The following POU2F3 variants were observed in gnomAD, a reference collection of about 807,000 sequenced individuals.
POU2F3 encodes POU domain, class 2, transcription factor 3.
Under a neutral mutation model 59.2 loss-of-function variants are expected in POU2F3, and 23 were observed. The ratio of observed to expected loss-of-function variants is 0.39; its 90% CI spans 0.28 to 0.55. The LOEUF (loss-of-function observed/expected upper bound fraction) is 0.55, where lower values mean the gene tolerates loss of function less well. Among genes scored for constraint, POU2F3 ranks in the 20% least tolerant of loss-of-function variants. The pLI, the probability that POU2F3 is intolerant of heterozygous loss-of-function variation, is 0.66. For missense variants in POU2F3, 473 were observed against 544.5 expected, an observed-to-expected ratio of 0.87 and a Z score of 1.31; for synonymous variants, 190 against 214.6, an observed-to-expected ratio of 0.89 and a Z score of 1.00.
At chr11:120,318,322 G>C in intron 12 of POU2F3, 31 bp from the exon 13 acceptor site, 1 of 1,579,010 alleles carries the variant, frequency 6.3e-7, no homozygotes, top group Non-Finnish European at 8.7e-7. Flanking sequence ...CACATTATTA[G>C]CTTTAGGATT....
chr11:120,242,052 G>T (rs1163143642), intron 1 of POU2F3, among the ~76,000 whole-genome samples: 1 of 152,124 alleles, frequency 6.6e-6, no homozygotes, highest in Admixed American at 6.5e-5. Flanking sequence ...TGATTCCTCA[G>T]GGCGGGATCT....
intron 2 of POU2F3, among the ~76,000 whole-genome samples, chr11:120,257,753 A>G (rs1382109286): frequency 2.0e-5 from 3 of 152,106 alleles, no homozygotes; most frequent in African/African-American, 4.8e-5. Flanking sequence ...GGCCCTGCAG[A>G]CCTCACAGGC....
intron 3 of POU2F3, among the ~76,000 whole-genome samples, chr11:120,278,084 G>A (rs932692778): frequency 6.6e-6 from 1 of 152,096 alleles, no homozygotes; most frequent in African/African-American, 2.4e-5. Context: ...ACAGAAAATG[G>A]CATCCCTGGG....
chr11:120,297,337 C>T (rs552744074), intron 3 of POU2F3, among the ~76,000 whole-genome samples: 3 of 152,302 alleles, frequency 2.0e-5, no homozygotes, highest in South Asian at 2.1e-4. Context: ...ACTGTCATTG[C>T]AGGGTGGTGG....
intron 1 of POU2F3, among the ~76,000 whole-genome samples, chr11:120,242,755 C>G (rs1938718950): frequency 6.6e-6 from 1 of 152,154 alleles, no homozygotes; most frequent in Non-Finnish European, 1.5e-5. Flanking sequence ...TGCCTGGAGC[C>G]TTCGCACCTT....
Position 120,298,334 on chromosome 11 carries a change from G to A in POU2F3, c.202G>A (p.Gly68Arg), listed in dbSNP as rs572453905. ...CCATCGGCCATGCCACCTGAGTCAA[G>A]GACCTGCCATGATGTCCGGAAACCA... ...LSHRPCHLSQ[G>R]PAMMSGNQMS... is the part of the protein sequence containing the mutation. The change falls in exon 4 of 13, where the codon GGA becomes AGA. Residue 68 changes from glycine (G) to arginine (R), a missense_variant. Physicochemically the swap from Gly to Arg is moderately radical, Grantham distance 125 (BLOSUM62 -2). Coordinates refer to ENST00000543440, the MANE Select transcript of POU2F3 (RefSeq NM_014352.4). The A allele has an allele frequency of 6.2e-7, 1 of 1,613,850 alleles. No homozygotes were observed. The highest frequency in any genetic ancestry group is 1.1e-5 in the South Asian group (1 of 90,998).
At chr11:120,303,808 C>T (rs1941409264) in intron 6 of POU2F3, 1 of 152,116 alleles carries the variant, frequency 6.6e-6, no homozygotes. Context: ...ACCCAAATAT[C>T]CCAGAGGAGA....
At chr11:120,264,772 G>A (rs898175469) in intron 2 of POU2F3, among the ~76,000 whole-genome samples, 2 of 152,098 alleles carry the variant, frequency 1.3e-5, no homozygotes, top group African/African-American at 4.8e-5. Context: ...GCTCAGGCTC[G>A]AACCTCAGTC....
chr11:120,242,096 T>C (rs1264935816), intron 1 of POU2F3, among the ~76,000 whole-genome samples: 2 of 152,076 alleles, frequency 1.3e-5, no homozygotes, highest in Admixed American at 6.5e-5. Flanking sequence ...CCAATTCATC[T>C]CTCTCCATTT....
intron 9 of POU2F3, among the ~76,000 whole-genome samples, chr11:120,308,822 C>T (rs1225837047): frequency 1.3e-5 from 2 of 151,468 alleles, no homozygotes; most frequent in Non-Finnish European, 2.9e-5. Flanking sequence ...CCTGTAATCC[C>T]GGCTACTCAG....
chr11:120,312,094 A>G (rs1287903349), intron 10 of POU2F3, among the ~76,000 whole-genome samples: 1 of 152,196 alleles, frequency 6.6e-6, no homozygotes, highest in Non-Finnish European at 1.5e-5. Context: ...ACAGCCTGTG[A>G]GAAGGCATGG....
At chr11:120,239,218 T>C (rs893289031), upstream of POU2F3, among the ~76,000 whole-genome samples, 4 of 152,238 alleles carry the variant, frequency 2.6e-5, no homozygotes, top group Admixed American at 6.5e-5. Flanking sequence ...CCTGCCCTCC[T>C]GTCTGCACAC....
rs138951003 is a variant in POU2F3, at chr11:120,265,783, C to G, written c.98-3427C>G. ...AACTGTTATACAATGCTATTTTTCT[C>G]ACTTTCTAGGTCTCATTCAAATGCA... On this transcript the variant is annotated intron_variant, in intron 2 of 12. Transcript: ENST00000543440. 7 of 152,280 alleles carry G rather than the reference C, an allele frequency of 4.6e-5. No individual in the cohort carries two copies. The East Asian group carries it at 1.4e-3, about 29-fold the overall frequency. 9.4% of individuals were successfully genotyped at this position (152,280 alleles called of 1,614,324 possible). A position where few individuals can be genotyped will look rare whatever the true frequency, so the allele number is the denominator to read the frequency against.
chr11:120,252,086 G>A (rs975643397), intron 2 of POU2F3, among the ~76,000 whole-genome samples: 5 of 150,858 alleles, frequency 3.3e-5, no homozygotes, highest in East Asian at 2.0e-4. Context: ...GAGCCACCGC[G>A]CCTGGCCTTG....
chr11:120,268,461 C>T (rs1230734640), intron 2 of POU2F3, among the ~76,000 whole-genome samples: 1 of 152,076 alleles, frequency 6.6e-6, no homozygotes, highest in African/African-American at 2.4e-5. Context: ...CTGCCTCCAC[C>T]CCCTGAGTAG....
At chr11:120,305,561 C>T (rs1252764494) in intron 7 of POU2F3, 83 bp from the exon 8 acceptor site, 5 of 1,538,004 alleles carry the variant, frequency 3.3e-6, no homozygotes, top group East Asian at 4.5e-5. Flanking sequence ...GCTGTGTGAT[C>T]GATGCTAGGA....
In POU2F3 at chr11:120,299,741, G is replaced by T; in HGVS notation, c.361+15G>T. The T allele has an allele frequency of 6.2e-7, 1 of 1,602,056 alleles. No homozygotes were observed. ...TGGGCAGCAAGGTAAGAACCCTGGG[G>T]GTTTCCACCTAGACCAAGTCCAGTC... On this transcript the variant is annotated intron_variant, in intron 5 of 12. Transcript: ENST00000543440.
At chr11:120,261,959 G>A (rs562631151) in intron 2 of POU2F3, among the ~76,000 whole-genome samples, 1 of 152,310 alleles carries the variant, frequency 6.6e-6, no homozygotes, top group South Asian at 2.1e-4. Context: ...TTTCACTGTG[G>A]ACAGGTACAC....
chr11:120,307,438 C>A (rs1178486985), intron 8 of POU2F3, 41 bp from the exon 9 acceptor site: 4 of 1,607,864 alleles, frequency 2.5e-6, no homozygotes, highest in Admixed American at 3.4e-5. Flanking sequence ...GGCCACTCAT[C>A]CCCTTCTCTG....
Sources: allele counts gnomAD v4.1 joint callset (sites outside exome capture counted in the v4.1 genomes callset), GRCh38; gene constraint gnomAD v4.1.1; transcripts MANE v1.5; gene names NCBI Gene and HGNC (gene_info 2026-07-23, HGNC 2026-07-21).